CCDC141: variants seen among roughly 807,000 people sequenced by gnomAD.
CCDC141 encodes coiled-coil domain containing 141.
In CCDC141, 168 loss-of-function variants were observed where a neutral mutation model predicts 181.0. That is an observed-to-expected ratio of 0.93 (90% confidence interval 0.82 to 1.05). CCDC141 has a LOEUF of 1.05. CCDC141 is among the 50% of genes least tolerant of loss of function. CCDC141 has a pLI of 0.00. For missense variants in CCDC141, 1,902 were observed against 1,788.5 expected, an observed-to-expected ratio of 1.06 and a Z score of -1.14; for synonymous variants, 666 against 642.3, an observed-to-expected ratio of 1.04 and a Z score of -0.56.
At chr2:178,916,335 A>G (rs894337179) in intron 7 of CCDC141, among the ~76,000 whole-genome samples, 5 of 152,074 alleles carry the variant, frequency 3.3e-5, no homozygotes, top group African/African-American at 1.2e-4. Context: ...TCAGTTCTTT[A>G]TTTAAACTAG....
chr2:179,018,222 T>C (rs893508601), intron 2 of CCDC141, among the ~76,000 whole-genome samples: 4 of 152,096 alleles, frequency 2.6e-5, no homozygotes, highest in African/African-American at 7.2e-5. Context: ...TTCTCTTCAG[T>C]AGAGTGTTAA....
Position 178,993,110 on chromosome 2 carries a change from GA to G in CCDC141, c.226-14436del, listed in dbSNP as rs566887928. ...CTTCAGCCTGGATTCTAAAATAAAG[GA>G]AACACACAAACCTGAACTGCAGTTA... On this transcript the variant is annotated intron_variant, in intron 2 of 23. Transcript: ENST00000443758. Among the ~76,000 whole-genome samples, 261 of 152,214 alleles carry G rather than the reference GA, an allele frequency of 1.7e-3. 7 individuals are homozygous for G. The South Asian group carries it at 0.02, about 12-fold the overall frequency.
At chr2:178,927,056 T>C (rs1420910255) in intron 6 of CCDC141, among the ~76,000 whole-genome samples, 2 of 152,248 alleles carry the variant, frequency 1.3e-5, no homozygotes, top group Admixed American at 1.3e-4. Flanking sequence ...AATAGCTATG[T>C]ACTCTATTAT....
At chr2:178,912,003 T>C (rs1205130547) in intron 7 of CCDC141, among the ~76,000 whole-genome samples, 1 of 152,224 alleles carries the variant, frequency 6.6e-6, no homozygotes, top group Non-Finnish European at 1.5e-5. Flanking sequence ...CTTGGATCAA[T>C]ATAATCTCCT....
At chr2:179,015,103 TAATATATATATAATCATATATA>T (rs2042415522) in intron 2 of CCDC141, among the ~76,000 whole-genome samples, 1 of 28,210 alleles carries the variant, frequency 3.5e-5, no homozygotes, top group Non-Finnish European at 9.5e-5. Context: ...TATATATATA[TAATATATATATAATCATATATA>T]TATATCATAT....
chr2:178,932,049 C>T (rs1689120794), intron 6 of CCDC141, among the ~76,000 whole-genome samples: 2 of 152,130 alleles, frequency 1.3e-5, no homozygotes, highest in Admixed American at 1.3e-4. Flanking sequence ...ATCCCAGCTA[C>T]TCAAGAGGCT....
intron 8 of CCDC141, among the ~76,000 whole-genome samples, chr2:178,899,878 T>C (rs1687602813): frequency 6.6e-6 from 1 of 152,136 alleles, no homozygotes; most frequent in Non-Finnish European, 1.5e-5. Flanking sequence ...AGCACATAAA[T>C]TATTAGATGA....
At chr2:178,879,774 T>G (rs1686512830) in intron 11 of CCDC141, among the ~76,000 whole-genome samples, 1 of 152,142 alleles carries the variant, frequency 6.6e-6, no homozygotes, top group African/African-American at 2.4e-5. Flanking sequence ...CTTGAGAAAT[T>G]GTCCACAGTG....
intron 2 of CCDC141, among the ~76,000 whole-genome samples, chr2:178,990,380 C>T (rs1489146567): frequency 6.6e-6 from 1 of 152,008 alleles, no homozygotes; most frequent in East Asian, 1.9e-4. Flanking sequence ...AAAGCAAGCA[C>T]ACGCATATTA....
chr2:179,039,481 A>C (rs2592560), intron 2 of CCDC141, among the ~76,000 whole-genome samples: 105,789 of 151,920 alleles, frequency 0.7, 37,749 homozygotes, highest in Non-Finnish European at 0.78. Flanking sequence ...TGTATTTCTT[A>C]CCCAAATTTT....
chr2:178,993,329 C>T (rs1327884590), intron 2 of CCDC141, among the ~76,000 whole-genome samples: 1 of 152,178 alleles, frequency 6.6e-6, no homozygotes, highest in Non-Finnish European at 1.5e-5. Context: ...TTACACGTGA[C>T]TGGGGAAGCC....
chr2:178,961,378 T>C lies in CCDC141; in HGVS notation c.632A>G (p.Gln211Arg). ...CTTCAGACAGCTGCTATGAGCTCCCTGAGTCAACTCAGGATTCACATTAGG... is the reference window on the plus strand; with the variant it reads ...CTTCAGACAGCTGCTATGAGCTCCCCGAGTCAACTCAGGATTCACATTAGG... ...EGPNVNPELTQGAHSSCLKVD... is the reference protein window; with the variant it reads ...EGPNVNPELTRGAHSSCLKVD... Residue 211 changes from glutamine to arginine, a missense_variant, in exon 5 of 24, where the codon CAG (glutamine) becomes CGG (arginine). By Grantham distance (43) the Gln-to-Arg change is conservative (BLOSUM62 1). Transcript: ENST00000443758. The C allele has an allele frequency of 6.4e-7, 1 of 1,550,644 alleles. No homozygotes were observed. The highest frequency in any genetic ancestry group is 8.7e-7 in the Non-Finnish European group (1 of 1,146,964).
chr2:178,915,310 T>C (rs1244046864), intron 7 of CCDC141, among the ~76,000 whole-genome samples: 1 of 152,216 alleles, frequency 6.6e-6, no homozygotes, highest in African/African-American at 2.4e-5. Context: ...CTAAGTCTAT[T>C]CTGCAGATAA....
At chr2:178,883,523 T>C (rs1001694081) in intron 11 of CCDC141, among the ~76,000 whole-genome samples, 1 of 152,018 alleles carries the variant, frequency 6.6e-6, no homozygotes, top group Non-Finnish European at 1.5e-5. Flanking sequence ...ATTGAGAATA[T>C]TATAAAGGAA....
Position 179,047,018 on chromosome 2 carries a change from G to A in CCDC141, c.225+266C>T, listed in dbSNP as rs370033145. Among the ~76,000 whole-genome samples the A allele has an allele frequency of 1.6e-3, 241 of 151,972 alleles. 1 individual carries two copies. The highest frequency in any genetic ancestry group is 5.7e-3 in the African/African-American group (237 of 41,468). ...ATGATGGAGTTTTTTTCCCACTGAG[G>A]CAGCCAGGAAAAAAAAATTACTCAT... On this transcript the variant is annotated intron_variant, in intron 2 of 23. Transcript: ENST00000443758.
rs148974743 is a variant in CCDC141 at position 178,849,424 on chromosome 2, A to G, written c.3357+625T>C. Among the ~76,000 whole-genome samples, 295 of 152,322 alleles carry G rather than the reference A, an allele frequency of 1.9e-3. 6 individuals carry two copies. In the South Asian group the frequency reaches 0.021, roughly 11 times the overall value. ...TCTTAATGACCTTGCTGTTCTCCCC[A>G]TCCTCAACAACCAGTTCTTTCAGCC... On this transcript the variant is annotated intron_variant, in intron 21 of 23. Transcript: ENST00000443758.
intron 2 of CCDC141, among the ~76,000 whole-genome samples, chr2:179,023,408 C>A (rs2042741919): frequency 6.6e-6 from 1 of 152,132 alleles, no homozygotes; most frequent in Admixed American, 6.6e-5. Flanking sequence ...AGCATACATA[C>A]AAAACTGCTA....
chr2:179,038,035 A>G (rs113253399), intron 2 of CCDC141, among the ~76,000 whole-genome samples: 8 of 152,330 alleles, frequency 5.3e-5, no homozygotes, highest in Admixed American at 1.3e-4. Flanking sequence ...AATTGAAAAC[A>G]GATACTCAAA....
At chr2:178,995,067 C>T (rs1428712056) in intron 2 of CCDC141, among the ~76,000 whole-genome samples, 1 of 152,208 alleles carries the variant, frequency 6.6e-6, no homozygotes, top group Non-Finnish European at 1.5e-5. Flanking sequence ...CGGTTCCAAC[C>T]CCTGTCTATT....
Sources: allele counts gnomAD v4.1 joint callset (sites outside exome capture counted in the v4.1 genomes callset), GRCh38; gene constraint gnomAD v4.1.1; transcripts MANE v1.5; gene names NCBI Gene and HGNC (gene_info 2026-07-23, HGNC 2026-07-21).